The following ANKRD22 variants were observed in gnomAD, a reference collection of about 807,000 sequenced individuals.
ANKRD22 encodes the protein ankyrin repeat domain-containing protein 22.
A neutral mutation model predicts 25.7 loss-of-function variants in ANKRD22; 24 were observed. That is an observed-to-expected ratio of 0.93 (90% CI 0.68 to 1.31). The LOEUF is 1.31. Among genes scored for constraint, ANKRD22 ranks in the 50% most tolerant of loss-of-function variants. The probability of loss-of-function intolerance (pLI) is 0.00; values close to 1 mark genes in which losing one functional copy is unlikely to be tolerated. For missense variants in ANKRD22, 214 were observed against 227.1 expected, an observed-to-expected ratio of 0.94 and a Z score of 0.37; for synonymous variants, 84 against 84.3, an observed-to-expected ratio of 1.00 and a Z score of 0.02.
intron 1 of ANKRD22, among the ~76,000 whole-genome samples, chr10:88,845,047 G>T (rs1322192598): frequency 1.4e-5 from 2 of 143,278 alleles, no homozygotes; most frequent in African/African-American, 5.3e-5. Flanking sequence ...AGCTGTTTTT[G>T]TCTTGTCCTG....
At chr10:88,833,337 G>A (rs932424157) in intron 1 of ANKRD22, among the ~76,000 whole-genome samples, 2 of 151,768 alleles carry the variant, frequency 1.3e-5, no homozygotes, top group Non-Finnish European at 2.9e-5. Context: ...TATTGCAATT[G>A]TCATTCTTTA....
chr10:88,846,662 G>C (rs1297155031), intron 1 of ANKRD22, among the ~76,000 whole-genome samples: 2 of 152,204 alleles, frequency 1.3e-5, no homozygotes, highest in Non-Finnish European at 2.9e-5. Context: ...TTTGAAAATA[G>C]TGAGAATTCA....
chr10:88,851,045 G>A (rs1844099909), intron 1 of ANKRD22, among the ~76,000 whole-genome samples: 1 of 152,024 alleles, frequency 6.6e-6, no homozygotes, highest in African/African-American at 2.4e-5. Flanking sequence ...AAGTACCTCA[G>A]TATTTATCAG....
chr10:88,828,227 A>G (rs1843872610), intron 3 of ANKRD22, among the ~76,000 whole-genome samples: 2 of 152,130 alleles, frequency 1.3e-5, no homozygotes, highest in Non-Finnish European at 2.9e-5. Context: ...CTCCTCTTTT[A>G]AAAAAAGGAG....
chr10:88,822,691 A>G lies in ANKRD22; in HGVS notation c.*250T>C, dbSNP rs1843812025. ...TACCACTGTGCCTAGCTGAAACATC[A>G]GTTTCTGACTGAAGTGGAGACTACA... On this transcript the variant is annotated 3_prime_UTR_variant, in exon 6 of 6. Transcript: ENST00000371930. 2 of 397,056 alleles carry G rather than the reference A, an allele frequency of 5.0e-6. No homozygotes were observed. Among genetic ancestry groups the G allele is most frequent in the Non-Finnish European group, 9.2e-6 (2 of 217,660 alleles). 24.6% of individuals were successfully genotyped at this position (397,056 alleles called of 1,614,324 possible). A position where few individuals can be genotyped will look rare whatever the true frequency, so the allele number is the denominator to read the frequency against.
chr10:88,846,690 G>A (rs778554985), intron 1 of ANKRD22, among the ~76,000 whole-genome samples: 1 of 152,180 alleles, frequency 6.6e-6, no homozygotes, highest in Non-Finnish European at 1.5e-5. Context: ...GCCTATTACA[G>A]CAGGTTTACA....
At chr10:88,833,339 C>T (rs1280296518) in intron 1 of ANKRD22, among the ~76,000 whole-genome samples, 2 of 151,772 alleles carry the variant, frequency 1.3e-5, no homozygotes, top group Non-Finnish European at 2.9e-5. Context: ...TTGCAATTGT[C>T]ATTCTTTAAT....
rs142241665 is a variant in ANKRD22, at chr10:88,826,557, C to T, written c.322-442G>A. On this transcript the variant is annotated intron_variant, in intron 3 of 5. Coordinates refer to ENST00000371930, the MANE Select transcript of ANKRD22 (RefSeq NM_144590.3). ...CTCTCTCTCACTCTGCGCCTCCTGG[C>T]TCACTCTGTTCTACTTACATTGGCC... Among the ~76,000 whole-genome samples the T allele has an allele frequency of 7.4e-4, 113 of 152,356 alleles. 4 individuals are homozygous for T. Among genetic ancestry groups the T allele is most frequent in the African/African-American group, 2.6e-3 (107 of 41,586 alleles).
At chr10:88,835,277 T>G (rs1219984737) in intron 1 of ANKRD22, among the ~76,000 whole-genome samples, 5 of 152,188 alleles carry the variant, frequency 3.3e-5, no homozygotes. Flanking sequence ...TAACCCTATC[T>G]TTAGTCTTTC....
chr10:88,839,231 C>G (rs1226659946), intron 1 of ANKRD22, among the ~76,000 whole-genome samples: 1 of 152,172 alleles, frequency 6.6e-6, no homozygotes, highest in Non-Finnish European at 1.5e-5. Flanking sequence ...ACCACTCAGC[C>G]TCCCAGCCCA....
At chr10:88,843,659 T>A (rs1304099517) in intron 1 of ANKRD22, among the ~76,000 whole-genome samples, 3 of 152,168 alleles carry the variant, frequency 2.0e-5, no homozygotes, top group Non-Finnish European at 2.9e-5. Flanking sequence ...AAAATAAATT[T>A]GACCATTAAA....
rs1564602480 is a variant in ANKRD22, at chr10:88,826,253, C to T, written c.322-138G>A. 4.5e-6 allele frequency: 3 copies of T among 665,536 alleles called. No homozygotes were observed. The East Asian group carries it at 8.4e-5, about 19-fold the overall frequency. 41.2% of individuals were successfully genotyped at this position (665,536 alleles called of 1,614,324 possible). A position where few individuals can be genotyped will look rare whatever the true frequency, so the allele number is the denominator to read the frequency against. ...CATGCACCCTTCCTAAAATTTCCCC[C>T]AGCTTCTCACTCACTCTAATATCAA... On this transcript the variant is annotated intron_variant, in intron 3 of 5. Transcript: ENST00000371930.
In ANKRD22 at chr10:88,823,015, C is replaced by T; in HGVS notation, c.502G>A (p.Gly168Ser). The T allele has an allele frequency of 6.2e-7, 1 of 1,613,132 alleles. No homozygotes were observed. ...CGTGCAATATCCAGTGAGCTCTCAC[C>T]ATGCTGAGGGGGGAAAAATATACAG... ...RADPTIKNKH[G>S]ESSLDIARRL... The change falls in exon 6 of 6, where the codon GGT (glycine) becomes AGT (serine). Residue 168 changes from glycine (G) to serine (S), a missense_variant. Physicochemically the swap from Gly to Ser is moderately conservative, Grantham distance 56 (BLOSUM62 0). Transcript: ENST00000371930.
chr10:88,831,750 A>G (rs1843905110), intron 2 of ANKRD22, 85 bp downstream of exon 2: 1 of 1,369,854 alleles, frequency 7.3e-7, no homozygotes, highest in East Asian at 2.4e-5. Flanking sequence ...AGCAATTTAA[A>G]AAATGACATG....
chr10:88,841,812 C>T (rs1213052307), intron 1 of ANKRD22, among the ~76,000 whole-genome samples: 10 of 152,130 alleles, frequency 6.6e-5, no homozygotes, highest in Admixed American at 6.6e-4. Flanking sequence ...AATAAAGCAA[C>T]TCTATAACTG....
Position 88,823,332 on chromosome 10 carries a change from G to A in ANKRD22, c.446C>T (p.Ser149Phe), listed in dbSNP as rs868583981. The A allele has an allele frequency of 3.7e-6, 6 of 1,613,974 alleles. No homozygotes were observed. The highest frequency in any genetic ancestry group is 1.7e-5 in the Admixed American group (1 of 59,998). ...GGCTTCCAAGAGCAGAGGGATAAGA[G>A]ACTGGTTTTTCATTTCACAGGCATA... ...LHYACEMKNQ[S>F]LIPLLLEARA... The change falls in exon 5 of 6, where the codon TCT becomes TTT. Residue 149 changes from serine to phenylalanine, a missense_variant. By Grantham distance (155) the Ser-to-Phe change is radical (BLOSUM62 -2). Transcript: ENST00000371930.
chr10:88,833,935 C>T (rs962771), intron 1 of ANKRD22, among the ~76,000 whole-genome samples: 56,857 of 152,034 alleles, frequency 0.37, 11,295 homozygotes, highest in African/African-American at 0.51. Flanking sequence ...GTTACTACCT[C>T]CCCCGGTGAC....
intron 1 of ANKRD22, among the ~76,000 whole-genome samples, chr10:88,844,662 T>A (rs569277107): frequency 6.6e-6 from 1 of 152,062 alleles, no homozygotes; most frequent in African/African-American, 2.4e-5. Flanking sequence ...AAGTAAAAGA[T>A]CCCTTTTATG....
intron 1 of ANKRD22, among the ~76,000 whole-genome samples, chr10:88,835,401 A>T (rs1843944350): frequency 6.6e-6 from 1 of 152,164 alleles, no homozygotes; most frequent in African/African-American, 2.4e-5. Flanking sequence ...ACGTTCTGAG[A>T]AATGTGTTGT....
Sources: gnomAD v4.1 joint callset for allele counts (sites outside exome capture counted in the v4.1 genomes callset) on GRCh38, gnomAD v4.1.1 for gene constraint, MANE v1.5 for transcripts, NCBI Gene and HGNC (gene_info 2026-07-23, HGNC 2026-07-21) for gene names.